The following STPG4 variants were observed in gnomAD, a reference collection of about 807,000 sequenced individuals.
STPG4 encodes protein STPG4.
In STPG4, 41 loss-of-function variants were observed where a neutral mutation model predicts 31.5. The observed-to-expected ratio is 1.30, with a 90% CI of 1.01 to 1.69. The LOEUF is 1.69. STPG4 is among the 40% of genes most tolerant of loss of function. The pLI, the probability that STPG4 is intolerant of heterozygous loss-of-function variation, is 0.00. For synonymous variants in STPG4, 141 were observed against 103.0 expected (o/e 1.37, Z -2.24); for missense variants, 375 against 293.4 (o/e 1.28, Z -2.03).
chr2:47,136,133 G>A (rs181935290), intron 3 of STPG4, among the ~76,000 whole-genome samples: 106 of 152,110 alleles, frequency 7.0e-4, no homozygotes, highest in Non-Finnish European at 1.3e-3. Context: ...CATTTATTGA[G>A]TTCTTCTTTG....
chr2:47,104,380 G>A (rs1464311264), intron 5 of STPG4, among the ~76,000 whole-genome samples: 1 of 151,954 alleles, frequency 6.6e-6, no homozygotes, highest in Non-Finnish European at 1.5e-5. Flanking sequence ...AAAACCAAAC[G>A]GTCAGTGGAG....
At chr2:47,099,801 G>A (rs1342587898) in intron 5 of STPG4, among the ~76,000 whole-genome samples, 1 of 152,276 alleles carries the variant, frequency 6.6e-6, no homozygotes, top group Non-Finnish European at 1.5e-5. Flanking sequence ...GGGTGGGCAT[G>A]GGCTTGGTGG....
In STPG4 at chr2:47,141,677, C is replaced by T. The variant is rs552036058; in HGVS notation, c.399+9581G>A. On this transcript the variant is annotated intron_variant, in intron 3 of 6. Transcript: ENST00000445927. ...TTGCTACATTATGCTCTTTGTTATCCCCACATTTAACTCTTGGGTTCTCAG... is the reference window on the plus strand; with the variant it reads ...TTGCTACATTATGCTCTTTGTTATCTCCACATTTAACTCTTGGGTTCTCAG... Among the ~76,000 whole-genome samples, 20 of 151,972 alleles carry T rather than the reference C, an allele frequency of 1.3e-4. No homozygotes were observed. In the East Asian group the frequency reaches 3.7e-3, roughly 28 times the overall value.
chr2:47,093,865 C>T (rs891297319), intron 5 of STPG4, among the ~76,000 whole-genome samples: 1 of 152,232 alleles, frequency 6.6e-6, no homozygotes, highest in Non-Finnish European at 1.5e-5. Flanking sequence ...GCGGCAAAGC[C>T]GTGACTATTC....
intron 3 of STPG4, among the ~76,000 whole-genome samples, chr2:47,132,437 C>G (rs1686504823): frequency 6.6e-6 from 1 of 152,228 alleles, no homozygotes; most frequent in Non-Finnish European, 1.5e-5. Flanking sequence ...ATATTTCACC[C>G]TGCAGCTGTC....
rs1686944658 is a variant in STPG4 at position 47,151,903 on chromosome 2, G to C, written c.142-388C>G. On this transcript the variant is annotated intron_variant, in intron 2 of 6. Transcript: ENST00000445927. ...CTACAGGCATCAGCCACTACGCCCGGCTAGTTTTTTGTTTTGTTTTTTTTT... is the reference window on the plus strand; with the variant it reads ...CTACAGGCATCAGCCACTACGCCCGCCTAGTTTTTTGTTTTGTTTTTTTTT... Among the ~76,000 whole-genome samples, 3 of 124,804 alleles carry C rather than the reference G, an allele frequency of 2.4e-5. No homozygotes were observed. The South Asian group carries it at 9.8e-4, about 41-fold the overall frequency. 81.9% of individuals were successfully genotyped at this position (124,804 alleles called of 152,430 possible).
chr2:47,090,461 G>A (rs1285194138), intron 5 of STPG4, 87 bp from the exon 6 acceptor site: 2 of 838,770 alleles, frequency 2.4e-6, no homozygotes, highest in East Asian at 2.7e-5. Flanking sequence ...ATAAACATAT[G>A]AATCACTGTG....
In STPG4 at chr2:47,111,611, C is replaced by G. The variant is rs148257772; in HGVS notation, c.519+18330G>C. Among the ~76,000 whole-genome samples, 66 of 152,064 alleles carry G rather than the reference C, an allele frequency of 4.3e-4. No individual in the cohort carries two copies. In the East Asian group the frequency reaches 0.013, roughly 29 times the overall value. ...GCAATTTGTGAGGCTTGGTCCTTAT[C>G]AAGGAGCTAAAAGTGAATGGTGTCT... On this transcript the variant is annotated intron_variant, in intron 5 of 6. Transcript: ENST00000445927.
At chr2:47,094,791 C>T (rs542328031) in intron 5 of STPG4, among the ~76,000 whole-genome samples, 19 of 152,196 alleles carry the variant, frequency 1.2e-4, no homozygotes, top group Non-Finnish European at 2.6e-4. Flanking sequence ...CTCAGACTTT[C>T]CTGGAGAGCT....
chr2:47,111,206 T>A (rs1014792593), intron 5 of STPG4, among the ~76,000 whole-genome samples: 1 of 152,130 alleles, frequency 6.6e-6, no homozygotes, highest in African/African-American at 2.4e-5. Flanking sequence ...CAATGCCAAG[T>A]AGATGTTGGT....
chr2:47,151,372 A>T lies in STPG4; in HGVS notation c.285T>A (p.Asp95Glu), dbSNP rs1375684244. ...LVQRNNPVLN[D>E]LPQYMPPDFL... is the part of the protein sequence containing the mutation. Reference sequence around the variant, plus strand: ...AGTCAGGAGGCATATACTGCGGAAGATCATTTAGGACTGGATTGTTTCTTT... The same window carrying T: ...AGTCAGGAGGCATATACTGCGGAAGTTCATTTAGGACTGGATTGTTTCTTT... The change falls in exon 3 of 7, where the codon GAT becomes GAA. Residue 95 changes from aspartate to glutamate, a missense_variant. Asp to Glu is a conservative substitution (Grantham distance 45, BLOSUM62 2). Coordinates refer to ENST00000445927, the MANE Select transcript of STPG4 (RefSeq NM_001163561.2). 6.2e-7 allele frequency: 1 copy of T among 1,614,188 alleles called. No individual in the cohort carries two copies. Among genetic ancestry groups the T allele is most frequent in the Non-Finnish European group, 8.5e-7 (1 of 1,180,036 alleles).
At chr2:47,142,514 G>A (rs184409904) in intron 3 of STPG4, among the ~76,000 whole-genome samples, 1 of 152,182 alleles carries the variant, frequency 6.6e-6, no homozygotes, top group Non-Finnish European at 1.5e-5. Context: ...ATGTTAGTTG[G>A]AAAAAATTTC....
chr2:47,090,133 C>G (rs1685539144), intron 6 of STPG4, 137 bp downstream of exon 6: 4 of 591,310 alleles, frequency 6.8e-6, no homozygotes, highest in Non-Finnish European at 1.2e-5. Flanking sequence ...GCAACTGTAT[C>G]TACCAGAACT....
chr2:47,116,916 T>C (rs1045262352), intron 5 of STPG4, among the ~76,000 whole-genome samples: 1 of 152,204 alleles, frequency 6.6e-6, no homozygotes, highest in Non-Finnish European at 1.5e-5. Flanking sequence ...GTGAGAAAGA[T>C]ATAAATACAA....
At chr2:47,091,150 A>AAGGGAGGGAGGGAGGGAGGG (rs547620600) in intron 5 of STPG4, among the ~76,000 whole-genome samples, 1 of 130,506 alleles carries the variant, frequency 7.7e-6, no homozygotes, top group Non-Finnish European at 1.6e-5. Context: ...GAAGGAAGGG[A>AAGGGAGGGAGGGAGGGAGGG]AGGGAGGGAG....
intron 5 of STPG4, among the ~76,000 whole-genome samples, chr2:47,096,851 AACC>A (rs1282643232): frequency 2.6e-5 from 4 of 152,194 alleles, no homozygotes; most frequent in East Asian, 1.9e-4. Flanking sequence ...CGAATTAAGG[AACC>A]ACCACCACCA....
intron 5 of STPG4, among the ~76,000 whole-genome samples, chr2:47,099,331 C>CT (rs1255953601): frequency 1.3e-5 from 2 of 152,250 alleles, no homozygotes; most frequent in Non-Finnish European, 2.9e-5. Flanking sequence ...CCTGAACCCT[C>CT]TCCTCCCACT....
chr2:47,119,908 T>C (rs1217953476), intron 5 of STPG4, among the ~76,000 whole-genome samples: 1 of 152,214 alleles, frequency 6.6e-6, no homozygotes, highest in African/African-American at 2.4e-5. Flanking sequence ...GTAAATTATA[T>C]ATGGAGGTTA....
intron 5 of STPG4, among the ~76,000 whole-genome samples, chr2:47,097,104 C>T (rs539428341): frequency 3.1e-4 from 47 of 152,056 alleles, no homozygotes; most frequent in Non-Finnish European, 3.8e-4. Context: ...TAGAGACTGG[C>T]GGAGTGCACT....
Sources: gnomAD v4.1 joint callset for allele counts (sites outside exome capture counted in the v4.1 genomes callset) on GRCh38, gnomAD v4.1.1 for gene constraint, MANE v1.5 for transcripts, NCBI Gene and HGNC (gene_info 2026-07-23, HGNC 2026-07-21) for gene names.